The following USP53 variants were observed in gnomAD, a reference collection of about 807,000 sequenced individuals.
The protein encoded by USP53 is ubiquitin specific peptidase 53, also known as ubiquitin carboxyl-terminal hydrolase 53.
In USP53, 71 loss-of-function variants were observed where a neutral mutation model predicts 94.9. The ratio of observed to expected loss-of-function variants is 0.75; its 90% CI spans 0.62 to 0.91. The LOEUF is 0.91. Among genes scored for constraint, USP53 ranks in the 40% least tolerant of loss-of-function variants. USP53 has a pLI of 0.00. For missense variants in USP53, 1,173 were observed against 1,281.0 expected (o/e 0.92, Z 1.29); for synonymous variants, 375 against 422.7 (o/e 0.89, Z 1.39).
chr4:119,279,696 C>T (rs930540580), intron 17 of USP53, among the ~76,000 whole-genome samples: 1 of 152,162 alleles, frequency 6.6e-6, no homozygotes, highest in Admixed American at 6.5e-5. Flanking sequence ...GCCCCTCCCC[C>T]AGCCTCGCTG....
chr4:119,264,181 C>T (rs1750841849), intron 12 of USP53, among the ~76,000 whole-genome samples: 1 of 152,100 alleles, frequency 6.6e-6, no homozygotes, highest in South Asian at 2.1e-4. Context: ...TTCAATATGC[C>T]ACTTCAAAAT....
chr4:119,248,944 A>G, intron 7 of USP53, 62 bp downstream of exon 7: 2 of 1,581,494 alleles, frequency 1.3e-6, no homozygotes, highest in East Asian at 4.5e-5. Context: ...TAGATGGTAC[A>G]AGTGTTGAGA....
At chr4:119,243,188 A>G (rs946567418) in intron 5 of USP53, among the ~76,000 whole-genome samples, 6 of 152,220 alleles carry the variant, frequency 3.9e-5, no homozygotes, top group Admixed American at 3.9e-4. Flanking sequence ...AAGTGATAGA[A>G]TATAATCAAC....
chr4:119,213,336 G>A (rs1165504389), intron 1 of USP53: 1 of 152,138 alleles, frequency 6.6e-6, no homozygotes, highest in Non-Finnish European at 1.5e-5. Flanking sequence ...CCTTGGAGAA[G>A]AGAGATGACT....
intron 3 of USP53, among the ~76,000 whole-genome samples, chr4:119,223,634 T>G (rs1744844163): frequency 6.6e-6 from 1 of 152,244 alleles, no homozygotes; most frequent in Non-Finnish European, 1.5e-5. Flanking sequence ...CTTCCTGATG[T>G]GCTTCTAGAA....
chr4:119,224,656 C>G (rs886511548), intron 3 of USP53, among the ~76,000 whole-genome samples: 22 of 152,202 alleles, frequency 1.4e-4, no homozygotes, highest in African/African-American at 4.8e-4. Context: ...CTCTGGCAAT[C>G]TGCATAAGAG....
rs113583516 is a variant in USP53, at chr4:119,248,751, A to T, written c.241A>T (p.Ile81Leu). 19,425 of 1,611,292 alleles carry T rather than the reference A, an allele frequency of 0.012. 166 individuals carry two copies. The highest frequency in any genetic ancestry group is 0.014 in the Non-Finnish European group (16,797 of 1,179,228). ...TGATTTTCTTGTCGATTCCCAGACG[A>T]TATTTGCACAGTTCCAACACAGTCG... ...DACIFCALKTIFAQFQHSREK... is the reference protein window; with the variant it reads ...DACIFCALKTLFAQFQHSREK... The change falls in exon 7 of 19, where the codon ATA (isoleucine) becomes TTA (leucine). Residue 81 changes from isoleucine (I) to leucine (L), a missense_variant. Ile to Leu is a conservative substitution (Grantham distance 5). Transcript: ENST00000692078.
At chr4:119,230,210 A>G (rs779364263) in intron 3 of USP53, among the ~76,000 whole-genome samples, 5 of 152,174 alleles carry the variant, frequency 3.3e-5, no homozygotes, top group African/African-American at 1.2e-4. Flanking sequence ...CCCTGTTTCA[A>G]TTATACATAT....
intron 3 of USP53, chr4:119,221,521 C>T (rs955176983): frequency 3.3e-5 from 5 of 151,912 alleles, no homozygotes; most frequent in Non-Finnish European, 7.4e-5. Flanking sequence ...TAAGGAGCCA[C>T]CAGGGGAAGA....
chr4:119,241,241 A>AT (rs926629783), intron 5 of USP53, among the ~76,000 whole-genome samples: 32 of 152,082 alleles, frequency 2.1e-4, no homozygotes, highest in Non-Finnish European at 3.4e-4. Flanking sequence ...ATGGTGATGT[A>AT]TTTTTTTTAA....
chr4:119,271,041 A>AT (rs1287328637), intron 15 of USP53, among the ~76,000 whole-genome samples: 2 of 152,162 alleles, frequency 1.3e-5, no homozygotes, highest in Non-Finnish European at 1.5e-5. Flanking sequence ...TAGAGTGCTT[A>AT]TTTTTTTAAA....
chr4:119,245,648 G>T (rs1748131853), intron 6 of USP53, among the ~76,000 whole-genome samples: 1 of 152,102 alleles, frequency 6.6e-6, no homozygotes, highest in African/African-American at 2.4e-5. Context: ...GTATAAAATT[G>T]TTAGGAACAT....
At chr4:119,238,682 A>G (rs1184199541) in intron 4 of USP53, among the ~76,000 whole-genome samples, 1 of 152,262 alleles carries the variant, frequency 6.6e-6, no homozygotes, top group Non-Finnish European at 1.5e-5. Flanking sequence ...GTAAAATGCT[A>G]TAAAACAAAG....
At chr4:119,231,335 C>T (rs6811078) in intron 3 of USP53, among the ~76,000 whole-genome samples, 30 of 152,186 alleles carry the variant, frequency 2.0e-4, no homozygotes, top group Middle Eastern at 3.4e-3. Context: ...ACTTTTATTT[C>T]TGGAGTATAG....
intron 4 of USP53, among the ~76,000 whole-genome samples, chr4:119,237,966 T>C (rs142418489): frequency 6.6e-6 from 1 of 152,208 alleles, no homozygotes; most frequent in Non-Finnish European, 1.5e-5. Context: ...TAAAGAGCGT[T>C]AGGGCCTTGC....
rs563392638 is a variant in USP53, at chr4:119,279,681, C to T, written c.2251+5973C>T. Among the ~76,000 whole-genome samples the T allele has an allele frequency of 1.7e-3, 263 of 152,082 alleles. 2 individuals are homozygous for T. Among genetic ancestry groups the T allele is most frequent in the African/African-American group, 5.9e-3 (246 of 41,468 alleles). ...TTACCTAAGCAAGCCTGGGCAATGG[C>T]GGGCGCCCCTCCCCCAGCCTCGCTG... is the stretch of plus-strand genomic sequence containing the variant. On this transcript the variant is annotated intron_variant, in intron 17 of 18. Transcript: ENST00000692078.
At chr4:119,223,309 A>C (rs928208178) in intron 3 of USP53, among the ~76,000 whole-genome samples, 1 of 152,132 alleles carries the variant, frequency 6.6e-6, no homozygotes, top group African/African-American at 2.4e-5. Context: ...AGTAGGAGGA[A>C]AGCAATTGTG....
chr4:119,293,909 G>A lies in USP53; in HGVS notation c.*698G>A, dbSNP rs2149491349. ...TAACAATTTGTAAGTTTTCAAGATC[G>A]GATGGAATTTAATTTTGCTCCTAGA... On this transcript the variant is annotated 3_prime_UTR_variant, in exon 19 of 19. Coordinates refer to ENST00000692078, the MANE Select transcript of USP53 (RefSeq NM_001371395.1). 6.6e-6 allele frequency: 1 copy of A among 152,060 alleles called. No homozygotes were observed. The highest frequency in any genetic ancestry group is 2.4e-5 in the African/African-American group (1 of 41,500). 9.4% of individuals were successfully genotyped at this position (152,060 alleles called of 1,614,324 possible).
chr4:119,224,865 A>G (rs1248254620), intron 3 of USP53, among the ~76,000 whole-genome samples: 1 of 152,206 alleles, frequency 6.6e-6, no homozygotes, highest in Non-Finnish European at 1.5e-5. Context: ...ATATTAGAAA[A>G]GAAGAAAGCT....
Sources: gnomAD v4.1 joint callset for allele counts (sites outside exome capture counted in the v4.1 genomes callset) on GRCh38, gnomAD v4.1.1 for gene constraint, MANE v1.5 for transcripts, NCBI Gene and HGNC (gene_info 2026-07-23, HGNC 2026-07-21) for gene names.